MPEG1: variants seen among roughly 807,000 people sequenced by gnomAD.
MPEG1 encodes macrophage expressed 1.
For missense variants in MPEG1, 876 were observed against 880.3 expected (o/e 1.00, Z 0.06); for synonymous variants, 365 against 351.9 (o/e 1.04, Z -0.42).
rs1862882444 is a variant in MPEG1, at chr11:59,211,048, G to A, written c.1818C>T (p.Ala606=). ...AATTGGTCACTATGACAGTATTGGT[G>A]GCAGCCTGACTCATGAGGGGTGGCC... is the stretch of plus-strand genomic sequence containing the variant. The part of the protein sequence containing the change: ...FTRPPLMSQA[A]TNTVIVTNSE... Residue 606 remains alanine (A), a synonymous_variant, in exon 1 of 1, where the codon GCC becomes GCT. Coordinates refer to ENST00000361050, the MANE Select transcript of MPEG1 (RefSeq NM_001039396.2). The A allele has an allele frequency of 1.2e-6, 2 of 1,614,180 alleles. No individual in the cohort carries two copies. Among genetic ancestry groups the A allele is most frequent in the Non-Finnish European group, 1.7e-6 (2 of 1,180,044 alleles).
Position 59,212,682 on chromosome 11 carries a change from C to T in MPEG1, c.184G>A (p.Val62Ile). The T allele has an allele frequency of 6.2e-7, 1 of 1,614,236 alleles. No homozygotes were observed. The change falls in exon 1 of 1, where the codon GTT (valine) becomes ATT (isoleucine). Residue 62 changes from valine to isoleucine, a missense_variant. Val to Ile is a conservative substitution (Grantham distance 29). Transcript: ENST00000361050. The stretch of plus-strand genomic sequence containing the variant: ...CAGTTGGAGTAAGTCAATTCCATAA[C>T]TCGTCCCATGTCCACATTCCGCAGA... ...DNLRNVDMGR[V>I]MELTYSNCRT...
In MPEG1 at chr11:59,210,728, T is replaced by C. The variant is rs373915048; in HGVS notation, c.2138A>G (p.Gln713Arg). The change falls in exon 1 of 1, where the codon CAG becomes CGG. Residue 713 changes from glutamine (Q) to arginine (R), a missense_variant. Coordinates refer to ENST00000361050, the MANE Select transcript of MPEG1 (RefSeq NM_001039396.2). ...TCGGGGAGAGATTTAAGCTGGACTC[T>C]GCCCCTGCTCTTGGTAAGTGGTGTC... ...TGDTTYQEQG[Q>R]SPA is the part of the protein sequence containing the mutation. The C allele has an allele frequency of 5.0e-6, 8 of 1,613,722 alleles. No individual in the cohort carries two copies. In the African/African-American group the frequency reaches 1.1e-4, roughly 22 times the overall value.
rs749311452 is a variant in MPEG1 at position 59,211,842 on chromosome 11, A to C, written c.1024T>G (p.Tyr342Asp). 5.6e-6 allele frequency: 9 copies of C among 1,614,076 alleles called. No homozygotes were observed. The East Asian group carries it at 8.9e-5, about 16-fold the overall frequency. ...CAGCCAGGGTAGGTGTTGAATGTAT[A>C]ATAGCGCTTCACAGCAGTTTCCACT... ...KTVETAVKRY[Y>D]TFNTYPGCTD... The change falls in exon 1 of 1, where the codon TAT becomes GAT. Residue 342 changes from tyrosine (Y) to aspartate (D), a missense_variant. Tyr to Asp is a radical substitution (Grantham distance 160, BLOSUM62 -3). Coordinates refer to ENST00000361050, the MANE Select transcript of MPEG1 (RefSeq NM_001039396.2).
At position 59,210,536 on chromosome 11, in the gene MPEG1, C is replaced by T; in HGVS notation, c.*179G>A. The T allele has an allele frequency of 1.6e-6, 1 of 612,054 alleles. No individual in the cohort carries two copies. The highest frequency in any genetic ancestry group is 2.8e-5 in the East Asian group (1 of 36,048). The allele number at this position is 612,054 out of a possible 1,614,324, so 37.9% of individuals were successfully genotyped here. ...ACTTTTGCTTCTAGTCCCAACTGTT[C>T]CCTCTCCCCAATCCCAACCTTATCC... On this transcript the variant is annotated 3_prime_UTR_variant, in exon 1 of 1. Transcript: ENST00000361050.
chr11:59,210,737 T>C lies in MPEG1; in HGVS notation c.2129A>G (p.Glu710Gly). 4 of 1,614,124 alleles carry C rather than the reference T, an allele frequency of 2.5e-6. No homozygotes were observed. Among genetic ancestry groups the C allele is most frequent in the Non-Finnish European group, 3.4e-6 (4 of 1,179,970 alleles). The change falls in exon 1 of 1, where the codon GAG becomes GGG. Residue 710 changes from glutamate (E) to glycine (G), a missense_variant. Glu to Gly is a moderately conservative substitution (Grantham distance 98). Coordinates refer to ENST00000361050, the MANE Select transcript of MPEG1 (RefSeq NM_001039396.2). ...GATTTAAGCTGGACTCTGCCCCTGC[T>C]CTTGGTAAGTGGTGTCTCCAGTTGC... ...TAATGDTTYQ[E>G]QGQSPA
Position 59,210,867 on chromosome 11 carries a change from T to A in MPEG1, c.1999A>T (p.Ile667Phe). The A allele has an allele frequency of 6.2e-7, 1 of 1,614,160 alleles. No homozygotes were observed. Among genetic ancestry groups the A allele is most frequent in the African/African-American group, 1.3e-5 (1 of 75,026 alleles). Residue 667 changes from isoleucine to phenylalanine, a missense_variant, in exon 1 of 1, where the codon ATT becomes TTT. Coordinates refer to ENST00000361050, the MANE Select transcript of MPEG1 (RefSeq NM_001039396.2). ...AAGVTVGVTT[I>F]LAVVITLAIY... is the part of the protein sequence containing the mutation. The stretch of plus-strand genomic sequence containing the variant: ...GCCAAGGTGATAACAACAGCCAGAA[T>A]GGTGGTGACCCCCACTGTGACCCCA...
Position 59,208,634 on chromosome 11 carries a change from G to A in MPEG1, c.*2081C>T, listed in dbSNP as rs1270045331. On this transcript the variant is annotated 3_prime_UTR_variant, in exon 1 of 1. Coordinates refer to ENST00000361050, the MANE Select transcript of MPEG1 (RefSeq NM_001039396.2). ...GTCTATTTCTGATAGTCCATGGAAT[G>A]TGGTTTTCTTGGAAGCCAGGGTTGG... The A allele has an allele frequency of 6.6e-6, 1 of 152,188 alleles. No homozygotes were observed. The highest frequency in any genetic ancestry group is 1.5e-5 in the Non-Finnish European group (1 of 68,020). The allele number at this position is 152,188 out of a possible 1,614,324, so 9.4% of individuals were successfully genotyped here.
chr11:59,211,001 A>T lies in MPEG1; in HGVS notation c.1865T>A (p.Ile622Asn). 6.2e-7 allele frequency: 1 copy of T among 1,614,078 alleles called. No individual in the cohort carries two copies. Among genetic ancestry groups the T allele is most frequent in the Non-Finnish European group, 8.5e-7 (1 of 1,180,014 alleles). The change falls in exon 1 of 1, where the codon ATT becomes AAT. Residue 622 changes from isoleucine (I) to asparagine (N), a missense_variant. Ile to Asn is a moderately radical substitution (Grantham distance 149). Coordinates refer to ENST00000361050, the MANE Select transcript of MPEG1 (RefSeq NM_001039396.2). Reference protein sequence around the residue: ...VTNSENARSWIKDSQTHQWRL... With the variant: ...VTNSENARSWNKDSQTHQWRL... ...CCACTGGTGGGTCTGGGAGTCTTTAATCCAGGATCTCGCATTCTCAGAATT... is the reference window on the plus strand; with the variant it reads ...CCACTGGTGGGTCTGGGAGTCTTTATTCCAGGATCTCGCATTCTCAGAATT...
At position 59,211,173 on chromosome 11, in the gene MPEG1, G is replaced by T. The variant is rs778990248; in HGVS notation, c.1693C>A (p.Pro565Thr). ...TGGCATCCATCGCTGATGAGGGCTG[G>T]GTGCTGGCTGAAGCCCCCGGGGCAC... ...KKCPGGFSQHPALISDGCQVS... is the reference protein window; with the variant it reads ...KKCPGGFSQHTALISDGCQVS... Residue 565 changes from proline to threonine, a missense_variant, in exon 1 of 1, where the codon CCA becomes ACA. Coordinates refer to ENST00000361050, the MANE Select transcript of MPEG1 (RefSeq NM_001039396.2). The T allele has an allele frequency of 1.9e-6, 3 of 1,614,190 alleles. No individual in the cohort carries two copies. The highest frequency in any genetic ancestry group is 2.5e-6 in the Non-Finnish European group (3 of 1,180,040).
At position 59,209,759 on chromosome 11, in the gene MPEG1, G is replaced by C. The variant is rs1303330615; in HGVS notation, c.*956C>G. Reference sequence around the variant, plus strand: ...ATTGAAATGTGGTGTGCGTGTGTGTGTGTGTGTGTGTGTGTGTGTGTGTTC... The same window carrying C: ...ATTGAAATGTGGTGTGCGTGTGTGTCTGTGTGTGTGTGTGTGTGTGTGTTC... On this transcript the variant is annotated 3_prime_UTR_variant, in exon 1 of 1. Coordinates refer to ENST00000361050, the MANE Select transcript of MPEG1 (RefSeq NM_001039396.2). The C allele has an allele frequency of 6.6e-6, 1 of 151,762 alleles. No homozygotes were observed. The highest frequency in any genetic ancestry group is 6.6e-5 in the Admixed American group (1 of 15,234). The allele number at this position is 151,762 out of a possible 1,614,324, so 9.4% of individuals were successfully genotyped here.
rs375564523 is a variant in MPEG1, at chr11:59,211,728, C to T, written c.1138G>A (p.Gly380Arg). ...EGKMTNFSFG[G>R]VYQECTQLSG... ...AGCTGAGTGCATTCCTGATAAACCC[C>T]ACCGAAAGAGAAGTTGGTCATTTTC... The change falls in exon 1 of 1, where the codon GGG (glycine) becomes AGG (arginine). Residue 380 changes from glycine (G) to arginine (R), a missense_variant. By Grantham distance (125) the Gly-to-Arg change is moderately radical. Transcript: ENST00000361050. The T allele has an allele frequency of 9.3e-6, 15 of 1,614,084 alleles. No homozygotes were observed. Among genetic ancestry groups the T allele is most frequent in the Non-Finnish European group, 1.3e-5 (15 of 1,180,048 alleles).
chr11:59,211,612 C>A lies in MPEG1; in HGVS notation c.1254G>T (p.Pro418=), dbSNP rs374806906. The A allele has an allele frequency of 6.2e-7, 1 of 1,614,114 alleles. No homozygotes were observed. Among genetic ancestry groups the A allele is most frequent in the South Asian group, 1.1e-5 (1 of 91,078 alleles). ...CGTGGATCTGGGATAACAGGTGCAC[C>A]GGGGAGTAGCCAGAGGGGCAGGAGA... ...GDFSCPSGYS[P]VHLLSQIHEE... is the part of the protein sequence containing the mutation. The change falls in exon 1 of 1, where the codon CCG becomes CCT. Residue 418 remains proline, a synonymous_variant. Transcript: ENST00000361050.
chr11:59,212,234 G>C lies in MPEG1; in HGVS notation c.632C>G (p.Ala211Gly), dbSNP rs1173233190. Residue 211 changes from alanine (A) to glycine (G), a missense_variant, in exon 1 of 1, where the codon GCT becomes GGT. By Grantham distance (60) the Ala-to-Gly change is moderately conservative. Coordinates refer to ENST00000361050, the MANE Select transcript of MPEG1 (RefSeq NM_001039396.2). ...GTCCTCCTGAATAAGAGCAGCCCCA[G>C]CGTCGACACTGGTGGTGACGTGGGT... is the stretch of plus-strand genomic sequence containing the variant. ...YGTHVTTSVDAGAALIQEDHL... is the reference protein window; with the variant it reads ...YGTHVTTSVDGGAALIQEDHL... The C allele has an allele frequency of 1.2e-6, 2 of 1,613,884 alleles. No homozygotes were observed. Among genetic ancestry groups the C allele is most frequent in the Admixed American group, 1.7e-5 (1 of 60,028 alleles).
Position 59,211,701 on chromosome 11 carries a change from A to T in MPEG1, c.1165T>A (p.Ser389Thr), listed in dbSNP as rs1465590173. 1 of 1,614,234 alleles carries T rather than the reference A, an allele frequency of 6.2e-7. No homozygotes were observed. The highest frequency in any genetic ancestry group is 8.5e-7 in the Non-Finnish European group (1 of 1,180,036). ...GGVYQECTQL[S>T]GNRDVLLCQK... is the part of the protein sequence containing the mutation. The stretch of plus-strand genomic sequence containing the variant: ...CAGAGGAGGACATCCCTATTCCCTG[A>T]GAGCTGAGTGCATTCCTGATAAACC... Residue 389 changes from serine (S) to threonine (T), a missense_variant, in exon 1 of 1, where the codon TCA (serine) becomes ACA (threonine). By Grantham distance (58) the Ser-to-Thr change is moderately conservative. Transcript: ENST00000361050.
chr11:59,210,359 T>A lies in MPEG1; in HGVS notation c.*356A>T. The stretch of plus-strand genomic sequence containing the variant: ...GGCAGAAACTCTTAGAGCTCACAAA[T>A]TGGAAACAACTGCAAACTTCAGAGT... On this transcript the variant is annotated 3_prime_UTR_variant, in exon 1 of 1. Coordinates refer to ENST00000361050, the MANE Select transcript of MPEG1 (RefSeq NM_001039396.2). 4.8e-6 allele frequency: 1 copy of A among 210,258 alleles called. No individual in the cohort carries two copies. Among genetic ancestry groups the A allele is most frequent in the Admixed American group, 5.4e-5 (1 of 18,370 alleles). 13.0% of individuals were successfully genotyped at this position (210,258 alleles called of 1,614,324 possible).
chr11:59,210,724 A>T lies in MPEG1; in HGVS notation c.2142T>A (p.Ser714Arg), dbSNP rs746375719. Reference sequence around the variant, plus strand: ...ATTTTCGGGGAGAGATTTAAGCTGGACTCTGCCCCTGCTCTTGGTAAGTGG... The same window carrying T: ...ATTTTCGGGGAGAGATTTAAGCTGGTCTCTGCCCCTGCTCTTGGTAAGTGG... Reference protein sequence around the residue: ...GDTTYQEQGQSPA With the variant: ...GDTTYQEQGQRPA Residue 714 changes from serine to arginine, a missense_variant, in exon 1 of 1, where the codon AGT becomes AGA. By Grantham distance (110) the Ser-to-Arg change is moderately radical. Coordinates refer to ENST00000361050, the MANE Select transcript of MPEG1 (RefSeq NM_001039396.2). The T allele has an allele frequency of 2.5e-6, 4 of 1,613,560 alleles. No homozygotes were observed. The Admixed American group carries it at 6.7e-5, about 27-fold the overall frequency.
At position 59,210,697 on chromosome 11, in the gene MPEG1, C is replaced by T. The variant is rs927984114; in HGVS notation, c.*18G>A. 1.9e-6 allele frequency: 3 copies of T among 1,604,670 alleles called. No homozygotes were observed. Among genetic ancestry groups the T allele is most frequent in the Non-Finnish European group, 1.7e-6 (2 of 1,174,264 alleles). On this transcript the variant is annotated 3_prime_UTR_variant, in exon 1 of 1. Coordinates refer to ENST00000361050, the MANE Select transcript of MPEG1 (RefSeq NM_001039396.2). Reference sequence around the variant, plus strand: ...ATGACCACACTGGAGATGAGAGAAACCATTTTCGGGGAGAGATTTAAGCTG... The same window carrying T: ...ATGACCACACTGGAGATGAGAGAAATCATTTTCGGGGAGAGATTTAAGCTG...
chr11:59,211,502 A>G lies in MPEG1; in HGVS notation c.1364T>C (p.Val455Ala), dbSNP rs1862891213. 4 of 1,614,164 alleles carry G rather than the reference A, an allele frequency of 2.5e-6. No individual in the cohort carries two copies. The highest frequency in any genetic ancestry group is 1.3e-5 in the African/African-American group (1 of 75,030). The change falls in exon 1 of 1, where the codon GTG becomes GCG. Residue 455 changes from valine (V) to alanine (A), a missense_variant. Transcript: ENST00000361050. ...AAAAGCCCTAAATTCAGCTTTTGCC[A>G]CCTGGAACACATCTTCACACACGGT... ...CKTVCEDVFQ[V>A]AKAEFRAFWC...
chr11:59,211,576 G>A lies in MPEG1; in HGVS notation c.1290C>T (p.Tyr430=), dbSNP rs1401529138. The A allele has an allele frequency of 1.9e-5, 31 of 1,614,092 alleles. No individual in the cohort carries two copies. The highest frequency in any genetic ancestry group is 2.5e-5 in the Non-Finnish European group (29 of 1,180,032). Residue 430 remains tyrosine, a synonymous_variant, in exon 1 of 1, where the codon TAC becomes TAT. Coordinates refer to ENST00000361050, the MANE Select transcript of MPEG1 (RefSeq NM_001039396.2). ...ACTTTCGATGACACTCCAGGTGGTTGTAACCCTCCTCGTGGATCTGGGATA... is the reference window on the plus strand; with the variant it reads ...ACTTTCGATGACACTCCAGGTGGTTATAACCCTCCTCGTGGATCTGGGATA... ...HLLSQIHEEG[Y]NHLECHRKCT...
Sources: allele counts gnomAD v4.1 joint callset, GRCh38; gene constraint gnomAD v4.1.1; transcripts MANE v1.5; gene names NCBI Gene and HGNC (gene_info 2026-07-23, HGNC 2026-07-21).